RBFOX1: variants seen among roughly 807,000 people sequenced by gnomAD.
The protein encoded by RBFOX1 is RNA binding protein fox-1 homolog 1.
Under a neutral mutation model 57.7 loss-of-function variants are expected in RBFOX1, and 8 were observed. The observed-to-expected ratio is 0.14, with a 90% CI of 0.08 to 0.25. The LOEUF (loss-of-function observed/expected upper bound fraction) is 0.25, where lower values mean the gene tolerates loss of function less well. Ranked by LOEUF, RBFOX1 falls within the 10% of genes least tolerant of loss-of-function variation. The pLI, the probability that RBFOX1 is intolerant of heterozygous loss-of-function variation, is 1.00. For missense variants in RBFOX1, 611 were observed against 548.5 expected, an observed-to-expected ratio of 1.11 and a Z score of -1.14; for synonymous variants, 326 against 222.4, an observed-to-expected ratio of 1.47 and a Z score of -4.15.
Position 6,193,401 on chromosome 16 carries a change from T to TA in RBFOX1, c.-126-123593dup, listed in dbSNP as rs2097158187. 3.5e-5 allele frequency among the ~76,000 whole-genome samples: 3 copies of TA among 84,850 alleles called. 1 individual carries two copies. Among genetic ancestry groups the TA allele is most frequent in the Non-Finnish European group, 6.8e-5 (3 of 43,928 alleles). 55.7% of individuals were successfully genotyped at this position (84,850 alleles called of 152,430 possible). A position where few individuals can be genotyped will look rare whatever the true frequency, so the allele number is the denominator to read the frequency against. On this transcript the variant is annotated intron_variant, in intron 1 of 15. Transcript: ENST00000550418. ...ACATTATATATATATACTATATATA[T>TA]ATATATATATATATATATATATATA...
At chr16:7,120,602 G>T (rs1198376636) in intron 4 of RBFOX1, among the ~76,000 whole-genome samples, 1 of 150,726 alleles carries the variant, frequency 6.6e-6, no homozygotes, top group Non-Finnish European at 1.5e-5. Flanking sequence ...AAGCTAAATG[G>T]TTCAATAGAC....
chr16:7,411,270 A>G (rs2098422293), intron 4 of RBFOX1, among the ~76,000 whole-genome samples: 2 of 152,186 alleles, frequency 1.3e-5, no homozygotes, highest in East Asian at 1.9e-4. Flanking sequence ...ATGGGTGACA[A>G]AGAACTTTGT....
intron 1 of RBFOX1, among the ~76,000 whole-genome samples, chr16:6,060,115 G>T (rs2095663864): frequency 9.3e-6 from 1 of 108,106 alleles, no homozygotes; most frequent in African/African-American, 3.6e-5. Flanking sequence ...CTAAAATTAG[G>T]ATTAGGGTTT....
chr16:6,815,480 G>C (rs1410701331), intron 3 of RBFOX1, among the ~76,000 whole-genome samples: 2 of 152,158 alleles, frequency 1.3e-5, no homozygotes, highest in African/African-American at 2.4e-5. Flanking sequence ...TCCATTAAAA[G>C]ATGTTAAGGA....
intron 3 of RBFOX1, among the ~76,000 whole-genome samples, chr16:5,817,161 ACTCT>A (rs1160170576): frequency 6.6e-5 from 10 of 151,624 alleles, no homozygotes; most frequent in Admixed American, 5.9e-4. Context: ...ACTCTTGTGC[ACTCT>A]CTCTCTATCT....
intron 4 of RBFOX1, among the ~76,000 whole-genome samples, chr16:7,182,985 C>A (rs1299811380): frequency 6.6e-6 from 1 of 152,154 alleles, no homozygotes; most frequent in Non-Finnish European, 1.5e-5. Flanking sequence ...TCTAAGCTTC[C>A]TGAGAGCTAA....
At chr16:5,427,684 T>C (rs1188792657) in intron 1 of RBFOX1, among the ~76,000 whole-genome samples, 1 of 152,152 alleles carries the variant, frequency 6.6e-6, no homozygotes. Flanking sequence ...AAGGTTACGA[T>C]TCAAGCTCAA....
At chr16:5,952,567 A>G (rs1259706331) in intron 4 of RBFOX1, among the ~76,000 whole-genome samples, 1 of 152,194 alleles carries the variant, frequency 6.6e-6, no homozygotes, top group Non-Finnish European at 1.5e-5. Context: ...GATTACAGGC[A>G]TAAGTCACCA....
chr16:5,449,707 C>G (rs2151561978), intron 1 of RBFOX1, among the ~76,000 whole-genome samples: 1 of 152,288 alleles, frequency 6.6e-6, no homozygotes, highest in South Asian at 2.1e-4. Flanking sequence ...CTCCTGGGCT[C>G]AAGTGATCCT....
At chr16:5,935,376 C>T (rs1172639088) in intron 4 of RBFOX1, among the ~76,000 whole-genome samples, 1 of 152,114 alleles carries the variant, frequency 6.6e-6, no homozygotes, top group Non-Finnish European at 1.5e-5. Context: ...AGGACCATGG[C>T]CAGGAGCCTG....
intron 1 of RBFOX1, among the ~76,000 whole-genome samples, chr16:6,080,785 T>G (rs972089915): frequency 6.6e-6 from 1 of 152,216 alleles, no homozygotes; most frequent in East Asian, 1.9e-4. Context: ...AAACAGACTT[T>G]TGGTAACCGG....
At position 6,225,019 on chromosome 16, in the gene RBFOX1, C is replaced by CA. The variant is rs59261521; in HGVS notation, c.-126-91950dup. Among the ~76,000 whole-genome samples the CA allele has an allele frequency of 4.1e-3, 309 of 76,030 alleles. 5 individuals carry two copies. The highest frequency in any genetic ancestry group is 0.014 in the African/African-American group (297 of 21,562). The allele number at this position is 76,030 out of a possible 152,430, so 49.9% of individuals were successfully genotyped here. ...GGGCAACAAGAGCAAAACTCCATCTCAAAAAAAAAAAAAAAAAAAAAAAAA... is the reference window on the plus strand; with the variant it reads ...GGGCAACAAGAGCAAAACTCCATCTCAAAAAAAAAAAAAAAAAAAAAAAAAA... On this transcript the variant is annotated intron_variant, in intron 1 of 15. Transcript: ENST00000550418.
At chr16:6,555,334 G>A (rs2097078567) in intron 2 of RBFOX1, among the ~76,000 whole-genome samples, 1 of 152,084 alleles carries the variant, frequency 6.6e-6, no homozygotes, top group African/African-American at 2.4e-5. Flanking sequence ...CAGTGTTATG[G>A]TAATGCGAAA....
chr16:6,557,024 T>TACATATATAC (rs1425451045), intron 2 of RBFOX1, among the ~76,000 whole-genome samples: 2 of 62,882 alleles, frequency 3.2e-5, no homozygotes, highest in East Asian at 5.5e-4. Context: ...TACATATATA[T>TACATATATAC]ACATATATAC....
chr16:7,190,457 A>C lies in RBFOX1; in HGVS notation c.27+138359A>C, dbSNP rs34824941. ...CATTGATGCTTCCAACTCTTCCACAAATTCCCAACAGGTATTTTTACATAT... is the reference window on the plus strand; with the variant it reads ...CATTGATGCTTCCAACTCTTCCACACATTCCCAACAGGTATTTTTACATAT... On this transcript the variant is annotated intron_variant, in intron 4 of 15. Transcript: ENST00000550418. 8.2e-3 allele frequency among the ~76,000 whole-genome samples: 1,250 copies of C among 152,258 alleles called. 7 individuals are homozygous for C. Among genetic ancestry groups the C allele is most frequent in the Non-Finnish European group, 0.013 (877 of 68,010 alleles).
intron 4 of RBFOX1, among the ~76,000 whole-genome samples, chr16:7,073,153 C>G (rs1355132884): frequency 1.3e-5 from 2 of 152,156 alleles, no homozygotes; most frequent in Non-Finnish European, 1.5e-5. Context: ...GCAAATTATG[C>G]TCTGCAGGCA....
intron 3 of RBFOX1, among the ~76,000 whole-genome samples, chr16:6,973,257 C>G (rs958712231): frequency 6.6e-6 from 1 of 152,160 alleles, no homozygotes; most frequent in East Asian, 1.9e-4. Context: ...AAATGATTAA[C>G]AGTAAGTACT....
At chr16:7,321,255 C>G (rs1489211886) in intron 4 of RBFOX1, among the ~76,000 whole-genome samples, 3 of 152,060 alleles carry the variant, frequency 2.0e-5, no homozygotes, top group African/African-American at 7.2e-5. Context: ...AGCGATTGTC[C>G]TGCATCAGCC....
chr16:6,515,479 C>G (rs1338574710), intron 2 of RBFOX1, among the ~76,000 whole-genome samples: 3 of 152,192 alleles, frequency 2.0e-5, no homozygotes, highest in Admixed American at 6.5e-5. Flanking sequence ...AATATGCTGT[C>G]TACCCACTTT....
Sources: allele counts gnomAD v4.1 joint callset (sites outside exome capture counted in the v4.1 genomes callset), GRCh38; gene constraint gnomAD v4.1.1; transcripts MANE v1.5; gene names NCBI Gene and HGNC (gene_info 2026-07-23, HGNC 2026-07-21).